Variants in SH3BP2 observed in about 807,000 individuals in gnomAD.
SH3BP2 encodes SH3 domain-binding protein 2.
Under a neutral mutation model 56.2 loss-of-function variants are expected in SH3BP2, and 38 were observed. That is an observed-to-expected ratio of 0.68 (90% confidence interval 0.52 to 0.89). The LOEUF (loss-of-function observed/expected upper bound fraction) is 0.89. Ranked by LOEUF, SH3BP2 falls within the 40% of genes least tolerant of loss-of-function variation. SH3BP2 has a pLI of 0.00. For synonymous variants in SH3BP2, 346 were observed against 316.7 expected, an observed-to-expected ratio of 1.09 and a Z score of -0.98; for missense variants, 748 against 762.6, an observed-to-expected ratio of 0.98 and a Z score of 0.23.
intron 1 of SH3BP2, chr4:2,818,895 C>T: frequency 1.0e-6 from 1 of 985,488 alleles, no homozygotes; most frequent in Non-Finnish European, 1.2e-6. Context: ...TTGGAGGGTG[C>T]TGGTTTGCTA....
In SH3BP2 at chr4:2,833,909, C is replaced by A; in HGVS notation, c.*75C>A. The stretch of plus-strand genomic sequence containing the variant: ...CCAGGCCACACAGACGGACATGGGC[C>A]CACATGGGAGGGTGAGCAGGAGCAA... On this transcript the variant is annotated 3_prime_UTR_variant, in exon 13 of 13. Coordinates refer to ENST00000503393, the MANE Select transcript of SH3BP2 (RefSeq NM_001122681.2). The A allele has an allele frequency of 6.8e-7, 1 of 1,477,012 alleles. No homozygotes were observed. Among genetic ancestry groups the A allele is most frequent in the Non-Finnish European group, 9.1e-7 (1 of 1,104,808 alleles). The allele number at this position is 1,477,012 out of a possible 1,614,324, so 91.5% of individuals were successfully genotyped here. A position where few individuals can be genotyped will look rare whatever the true frequency, so the allele number is the denominator to read the frequency against.
Position 2,839,828 on chromosome 4 carries a change from T to A in SH3BP2, c.*5994T>A, listed in dbSNP as rs1160444642. ...AGCCTCCCATCTTGACCTCCCAAAG[T>A]GCTGGGAGTACAGGCATGAGCCACT... On this transcript the variant is annotated 3_prime_UTR_variant, in exon 13 of 13. Coordinates refer to ENST00000503393, the MANE Select transcript of SH3BP2 (RefSeq NM_001122681.2). 1 of 151,912 alleles carries A rather than the reference T, an allele frequency of 6.6e-6. No homozygotes were observed. Among genetic ancestry groups the A allele is most frequent in the East Asian group, 1.9e-4 (1 of 5,170 alleles). The allele number at this position is 151,912 out of a possible 1,614,324, so 9.4% of individuals were successfully genotyped here.
At chr4:2,815,150 CCCTCAG>C (rs1162337897) in intron 1 of SH3BP2, among the ~76,000 whole-genome samples, 3 of 152,150 alleles carry the variant, frequency 2.0e-5, no homozygotes, top group African/African-American at 4.8e-5. Flanking sequence ...CCCATCATCA[CCCTCAG>C]CCTCAGCCGA....
intron 1 of SH3BP2, among the ~76,000 whole-genome samples, chr4:2,803,603 T>C (rs1723403216): frequency 6.6e-6 from 1 of 152,092 alleles, no homozygotes; most frequent in Non-Finnish European, 1.5e-5. Context: ...GCCCAGGAGC[T>C]CATCCCAGGG....
At chr4:2,828,698 A>C (rs951032219) in intron 7 of SH3BP2, among the ~76,000 whole-genome samples, 5 of 152,150 alleles carry the variant, frequency 3.3e-5, no homozygotes, top group Non-Finnish European at 5.9e-5. Context: ...GTGCTCCTGC[A>C]TGCTACTGCT....
chr4:2,808,035 T>A (rs1289281947), intron 1 of SH3BP2, among the ~76,000 whole-genome samples: 1 of 152,112 alleles, frequency 6.6e-6, no homozygotes, highest in Non-Finnish European at 1.5e-5. Flanking sequence ...CTCAGGTGAG[T>A]CCCCGTGTGG....
At chr4:2,796,538 G>A (rs1460763539) in intron 1 of SH3BP2, 1 of 896,038 alleles carries the variant, frequency 1.1e-6, no homozygotes, top group African/African-American at 1.8e-5. Flanking sequence ...TGGCCTCTGG[G>A]AAGAATGTGG....
intron 1 of SH3BP2, among the ~76,000 whole-genome samples, chr4:2,811,647 C>T (rs2108712684): frequency 6.6e-6 from 1 of 152,316 alleles, no homozygotes; most frequent in African/African-American, 2.4e-5. Context: ...GCCACTCAGC[C>T]ATAATGTACT....
chr4:2,817,807 C>G (rs1724067121), intron 1 of SH3BP2: 1 of 152,276 alleles, frequency 6.6e-6, no homozygotes. Context: ...CCCGTTGCCG[C>G]CCTCCATGCA....
intron 3 of SH3BP2, 107 bp from the exon 4 acceptor site, chr4:2,824,506 C>T (rs1215465320): frequency 3.3e-5 from 28 of 849,056 alleles, no homozygotes; most frequent in South Asian, 2.4e-4. Flanking sequence ...TGCCCTCTTC[C>T]GTTGGGGCGT....
intron 1 of SH3BP2, chr4:2,793,656 A>C (rs1722969992): frequency 6.6e-6 from 1 of 151,364 alleles, no homozygotes. Context: ...TGCGGCGGGC[A>C]CTCGCTCTCC....
At chr4:2,819,712 T>A (rs1158953979) in intron 1 of SH3BP2, among the ~76,000 whole-genome samples, 1 of 137,552 alleles carries the variant, frequency 7.3e-6, no homozygotes, top group African/African-American at 2.5e-5. Flanking sequence ...GCAATGAGGG[T>A]GCCTAGCAGA....
chr4:2,804,914 C>T (rs1477243660), intron 1 of SH3BP2, among the ~76,000 whole-genome samples: 3 of 152,260 alleles, frequency 2.0e-5, no homozygotes, highest in Admixed American at 6.5e-5. Flanking sequence ...AGGTCCTAAT[C>T]GGGAGAACAA....
chr4:2,824,523 G>A, intron 3 of SH3BP2, 90 bp from the exon 4 acceptor site: 1 of 949,328 alleles, frequency 1.1e-6, no homozygotes, highest in Non-Finnish European at 1.7e-6. Flanking sequence ...GCGTGGTGCT[G>A]GTGCCGAGAC....
In SH3BP2 at chr4:2,833,750, G is replaced by A. The variant is rs1725130393; in HGVS notation, c.1602G>A (p.Met534Ile). 6.2e-7 allele frequency: 1 copy of A among 1,606,840 alleles called. No individual in the cohort carries two copies. The highest frequency in any genetic ancestry group is 1.7e-5 in the Admixed American group (1 of 59,338). Reference protein sequence around the residue: ...GEVLFVSVGSMVEHYHTHVLP... With the variant: ...GEVLFVSVGSIVEHYHTHVLP... The stretch of plus-strand genomic sequence containing the variant: ...TCCTGTTTGTGAGTGTGGGCAGCAT[G>A]GTGGAGCACTACCACACCCACGTGC... The change falls in exon 13 of 13, where the codon ATG (methionine) becomes ATA (isoleucine). Residue 534 changes from methionine to isoleucine, a missense_variant. This residue lies in a region of SH3BP2 where 635 missense variants were observed against 615.0 expected (regional missense o/e 1.03). Transcript: ENST00000503393.
chr4:2,828,714 C>T (rs568422093), intron 7 of SH3BP2, among the ~76,000 whole-genome samples: 4 of 152,344 alleles, frequency 2.6e-5, no homozygotes, highest in Middle Eastern at 3.4e-3. Context: ...CTGCTCCACT[C>T]ACCCTCCCTC....
At position 2,836,025 on chromosome 4, in the gene SH3BP2, C is replaced by G. The variant is rs1725220248; in HGVS notation, c.*2191C>G. ...TAGTGAGTGGTGCAGTCCAGGACAC[C>G]TTTGCTTTATGTCACTTACACGGTC... On this transcript the variant is annotated 3_prime_UTR_variant, in exon 13 of 13. Coordinates refer to ENST00000503393, the MANE Select transcript of SH3BP2 (RefSeq NM_001122681.2). The G allele has an allele frequency of 6.6e-6, 1 of 152,132 alleles. No homozygotes were observed. Among genetic ancestry groups the G allele is most frequent in the Non-Finnish European group, 1.5e-5 (1 of 68,024 alleles). The allele number at this position is 152,132 out of a possible 1,614,324, so 9.4% of individuals were successfully genotyped here. A position where few individuals can be genotyped will look rare whatever the true frequency, so the allele number is the denominator to read the frequency against.
chr4:2,833,705 G>A lies in SH3BP2; in HGVS notation c.1557G>A (p.Lys519=). The change falls in exon 13 of 13, where the codon AAG becomes AAA. Residue 519 remains lysine, a synonymous_variant. Coordinates refer to ENST00000503393, the MANE Select transcript of SH3BP2 (RefSeq NM_001122681.2). ...CTTCTCTTCCCCCACAGGACTCTAA[G>A]TTCTACCTGGAGGGCGAGGTCCTGT... ...RNYRIFEKDS[K]FYLEGEVLFV... The A allele has an allele frequency of 6.2e-7, 1 of 1,610,786 alleles. No individual in the cohort carries two copies. Among genetic ancestry groups the A allele is most frequent in the East Asian group, 2.2e-5 (1 of 44,820 alleles).
chr4:2,813,822 A>C (rs1487865824), intron 1 of SH3BP2, among the ~76,000 whole-genome samples: 1 of 152,154 alleles, frequency 6.6e-6, no homozygotes, highest in Non-Finnish European at 1.5e-5. Context: ...CGGGAGAATG[A>C]GTGTGTATAT....
Sources: allele counts gnomAD v4.1 joint callset (sites outside exome capture counted in the v4.1 genomes callset), GRCh38; gene constraint gnomAD v4.1.1; regional missense constraint gnomAD v4.1.1; transcripts MANE v1.5; gene names NCBI Gene and HGNC (gene_info 2026-07-23, HGNC 2026-07-21).